The following SYT5 variants were observed in gnomAD, a reference collection of about 807,000 sequenced individuals.
The protein encoded by SYT5 is synaptotagmin-5.
In SYT5, 29 loss-of-function variants were observed where a neutral mutation model predicts 36.0. The ratio of observed to expected loss-of-function variants is 0.81; its 90% CI spans 0.60 to 1.10. The LOEUF (loss-of-function observed/expected upper bound fraction) is 1.10, where lower values mean the gene tolerates loss of function less well. SYT5 is among the 50% of genes least tolerant of loss of function. SYT5 has a pLI of 0.00. For missense variants in SYT5, 512 were observed against 516.0 expected, an observed-to-expected ratio of 0.99 and a Z score of 0.08; for synonymous variants, 231 against 227.6, an observed-to-expected ratio of 1.02 and a Z score of -0.14.
rs1270043107 is a variant in SYT5 at position 55,173,707 on chromosome 19, A to G, written c.961-23T>C. The G allele has an allele frequency of 7.4e-7, 1 of 1,352,812 alleles. No homozygotes were observed. The highest frequency in any genetic ancestry group is 1.8e-5 in the South Asian group (1 of 54,594). The allele number at this position is 1,352,812 out of a possible 1,614,324, so 83.8% of individuals were successfully genotyped here. ...CTTCTGGGGTGGGCGCGGGAGGAAG[A>G]GGAGAGAGGAGCGTGAGGGGAGGAG... On this transcript the variant is annotated intron_variant, in intron 8 of 8. Coordinates refer to ENST00000354308, the MANE Select transcript of SYT5 (RefSeq NM_003180.3). This position sits in a 1 kb window ranked among gnomAD's most constrained non-coding sequence, Gnocchi z 5.4.
At chr19:55,178,076 G>A (rs2086096628) in intron 3 of SYT5, 120 bp downstream of exon 3, 2 of 1,150,986 alleles carry the variant, frequency 1.7e-6, no homozygotes, top group Admixed American at 2.8e-5. Flanking sequence ...ACACAGGGAG[G>A]ATGAGCCAGT....
At position 55,174,989 on chromosome 19, in the gene SYT5, A is replaced by G. The variant is rs2086055978; in HGVS notation, c.719T>C (p.Leu240Pro). ...GCGGAGGGAGAAGCAGATGTCCCCA[A>G]GCTTCTCCTGCTGAAAGGAGAGGGG... ...QAAPREEQEK[L>P]GDICFSLRYV... The change falls in exon 7 of 9, where the codon CTT (leucine) becomes CCT (proline). Residue 240 changes from leucine (L) to proline (P), a missense_variant. By Grantham distance (98) the Leu-to-Pro change is moderately conservative. Transcript: ENST00000354308. 1 of 1,613,316 alleles carries G rather than the reference A, an allele frequency of 6.2e-7. No individual in the cohort carries two copies. Among genetic ancestry groups the G allele is most frequent in the African/African-American group, 1.3e-5 (1 of 74,910 alleles).
intron 2 of SYT5, 41 bp downstream of exon 2, chr19:55,178,922 C>T (rs751658816): frequency 4.9e-6 from 7 of 1,440,872 alleles, no homozygotes; most frequent in Non-Finnish European, 6.4e-6. Flanking sequence ...CCTGGCCAGG[C>T]TTTCTCTCTG....
Position 55,173,814 on chromosome 19 carries a change from G to GGCC in SYT5, c.961-131_961-130insGGC. The GGCC allele has an allele frequency of 1.0e-6, 1 of 969,048 alleles. No homozygotes were observed. Among genetic ancestry groups the GGCC allele is most frequent in the Non-Finnish European group, 1.4e-6 (1 of 723,034 alleles). 60.0% of individuals were successfully genotyped at this position (969,048 alleles called of 1,614,324 possible). On this transcript the variant is annotated intron_variant, in intron 8 of 8. Coordinates refer to ENST00000354308, the MANE Select transcript of SYT5 (RefSeq NM_003180.3). This position sits in a 1 kb window ranked among gnomAD's most constrained non-coding sequence, Gnocchi z 5.4. ...GAGGGCTCGGGGCCCCGGAGCTCGG[G>GGCC]ACGGGGGAGGGGGTGGGAGACGAGA... is the stretch of plus-strand genomic sequence containing the variant.
intron 3 of SYT5, among the ~76,000 whole-genome samples, chr19:55,177,698 G>A (rs2086091900): frequency 6.6e-6 from 1 of 152,134 alleles, no homozygotes; most frequent in Non-Finnish European, 1.5e-5. Flanking sequence ...GAGTAGCTGG[G>A]ATTATACCAC....
At chr19:55,176,364 G>A (rs1209605024) in intron 3 of SYT5, 1 of 550,438 alleles carries the variant, frequency 1.8e-6, no homozygotes, top group Non-Finnish European at 3.2e-6. Context: ...AACTAGACAT[G>A]TGCTTGTCAT....
rs1174645552 is a variant in SYT5, at chr19:55,179,213, G to A, written c.-45-127C>T. ...ACAGCCACCGCGAGTCATGCTGGGA[G>A]TTGTAGTATCAGCCTCCCCGCACTT... is the stretch of plus-strand genomic sequence containing the variant. On this transcript the variant is annotated intron_variant, in intron 1 of 8. Transcript: ENST00000354308. This position sits in a 1 kb window ranked among gnomAD's most constrained non-coding sequence, Gnocchi z 4.5. 6.6e-7 allele frequency: 1 copy of A among 1,521,314 alleles called. No homozygotes were observed. Among genetic ancestry groups the A allele is most frequent in the Non-Finnish European group, 8.8e-7 (1 of 1,139,116 alleles). 94.2% of individuals were successfully genotyped at this position (1,521,314 alleles called of 1,614,324 possible). A position where few individuals can be genotyped will look rare whatever the true frequency, so the allele number is the denominator to read the frequency against.
chr19:55,179,127 C>G lies in SYT5; in HGVS notation c.-45-41G>C. The G allele has an allele frequency of 6.5e-7, 1 of 1,543,078 alleles. No homozygotes were observed. The highest frequency in any genetic ancestry group is 8.7e-7 in the Non-Finnish European group (1 of 1,147,520). On this transcript the variant is annotated intron_variant, in intron 1 of 8. Transcript: ENST00000354308. The surrounding 1 kb of genome is among the most constrained non-coding windows in gnomAD (Gnocchi z 4.5). ...CACCCCAGACGTCCTTTGAGCCCCA[C>G]GCACAACAAAGAACTCCAACTCCCA...
chr19:55,175,408 G>A lies in SYT5; in HGVS notation c.541-69C>T. On this transcript the variant is annotated intron_variant, in intron 5 of 8. Transcript: ENST00000354308. This position sits in a 1 kb window ranked among gnomAD's most constrained non-coding sequence, Gnocchi z 4.5. Reference sequence around the variant, plus strand: ...GATAGGGTGAGGCACAGCACAACCAGAAGGAAGGCATGGAGTGAGGCAGCG... The same window carrying A: ...GATAGGGTGAGGCACAGCACAACCAAAAGGAAGGCATGGAGTGAGGCAGCG... The A allele has an allele frequency of 6.9e-7, 1 of 1,450,914 alleles. No homozygotes were observed. Among genetic ancestry groups the A allele is most frequent in the Non-Finnish European group, 9.1e-7 (1 of 1,097,260 alleles). 89.9% of individuals were successfully genotyped at this position (1,450,914 alleles called of 1,614,324 possible). A position where few individuals can be genotyped will look rare whatever the true frequency, so the allele number is the denominator to read the frequency against.
At position 55,179,249 on chromosome 19, in the gene SYT5, G is replaced by T; in HGVS notation, c.-45-163C>A. 1 of 1,477,708 alleles carries T rather than the reference G, an allele frequency of 6.8e-7. No individual in the cohort carries two copies. The highest frequency in any genetic ancestry group is 1.3e-5 in the South Asian group (1 of 74,340). The allele number at this position is 1,477,708 out of a possible 1,614,324, so 91.5% of individuals were successfully genotyped here. On this transcript the variant is annotated intron_variant, in intron 1 of 8. Coordinates refer to ENST00000354308, the MANE Select transcript of SYT5 (RefSeq NM_003180.3). The surrounding 1 kb of genome is among the most constrained non-coding windows in gnomAD (Gnocchi z 4.5). The stretch of plus-strand genomic sequence containing the variant: ...AGCCTCCCCGCACTTGAGAGGGGGT[G>T]TCCAGGACCTAGTTCCATCCTAAAG...
In SYT5 at chr19:55,174,649, A is replaced by C. The variant is rs1599942082; in HGVS notation, c.828T>G (p.Asp276Glu). ...GCAGCAGGTGGACCTTGACGTATGG[A>C]TCTGGGGAGAGGAAGGAGGAGTCTT... ...LKKMDVGGLS[D>E]PYVKVHLLQG... Residue 276 changes from aspartate to glutamate, a missense_variant and splice_region_variant, in exon 8 of 9, where the codon GAT (aspartate) becomes GAG (glutamate). Transcript: ENST00000354308. 2 of 1,613,994 alleles carry C rather than the reference A, an allele frequency of 1.2e-6. No homozygotes were observed. The highest frequency in any genetic ancestry group is 8.5e-7 in the Non-Finnish European group (1 of 1,179,984).
rs1313995748 is a variant in SYT5 at position 55,175,756 on chromosome 19, G to A, written c.493C>T (p.His165Tyr). The change falls in exon 5 of 9, where the codon CAT (histidine) becomes TAT (tyrosine). Residue 165 changes from histidine (H) to tyrosine (Y), a missense_variant. Coordinates refer to ENST00000354308, the MANE Select transcript of SYT5 (RefSeq NM_003180.3). This position sits in a 1 kb window ranked among gnomAD's most constrained non-coding sequence, Gnocchi z 4.5. ...DKRRRYETKV[H>Y]RQTLNPHFGE... is the part of the protein sequence containing the mutation. Reference sequence around the variant, plus strand: ...AAGTGAGGGTTCAGCGTCTGCCGATGCACCTTGGTCTCGTACCGCCTCCGT... The same window carrying A: ...AAGTGAGGGTTCAGCGTCTGCCGATACACCTTGGTCTCGTACCGCCTCCGT... The A allele has an allele frequency of 5.6e-6, 9 of 1,614,040 alleles. No individual in the cohort carries two copies. Among genetic ancestry groups the A allele is most frequent in the Non-Finnish European group, 7.6e-6 (9 of 1,180,040 alleles).
At chr19:55,178,082 C>G in intron 3 of SYT5, 114 bp downstream of exon 3, 1 of 1,212,086 alleles carries the variant, frequency 8.3e-7, no homozygotes, top group Non-Finnish European at 1.1e-6. Context: ...GGAGGATGAG[C>G]CAGTAAGGTG....
At chr19:55,178,078 T>G in intron 3 of SYT5, 118 bp downstream of exon 3, 1 of 1,171,426 alleles carries the variant, frequency 8.5e-7, no homozygotes, top group Non-Finnish European at 1.2e-6. Flanking sequence ...ACAGGGAGGA[T>G]GAGCCAGTAA....
rs1261824339 is a variant in SYT5, at chr19:55,175,229, C to G, written c.651G>C (p.Val217=). 6.2e-7 allele frequency: 1 copy of G among 1,611,224 alleles called. No individual in the cohort carries two copies. The highest frequency in any genetic ancestry group is 2.2e-5 in the East Asian group (1 of 44,810). The change falls in exon 6 of 9, where the codon GTG becomes GTC. Residue 217 remains valine, a synonymous_variant. Coordinates refer to ENST00000354308, the MANE Select transcript of SYT5 (RefSeq NM_003180.3). This position sits in a 1 kb window ranked among gnomAD's most constrained non-coding sequence, Gnocchi z 4.5. ...IGEVRVPMSS[V]DLGRPVQAWR... ...AGGCCTGCACTGGCCGCCCCAGGTC[C>G]ACGGAGCTCATAGGGACCCGCACCT... is the stretch of plus-strand genomic sequence containing the variant.
In SYT5 at chr19:55,173,470, G is replaced by A. The variant is rs541801365; in HGVS notation, c.*14C>T. ...GGCTAGAGTCCAGGCTTGGCCGGGGGCTTGGGGTGGGAGTCAGGGCGCAGG... is the reference window on the plus strand; with the variant it reads ...GGCTAGAGTCCAGGCTTGGCCGGGGACTTGGGGTGGGAGTCAGGGCGCAGG... On this transcript the variant is annotated 3_prime_UTR_variant, in exon 9 of 9. Transcript: ENST00000354308. This position sits in a 1 kb window ranked among gnomAD's most constrained non-coding sequence, Gnocchi z 5.4. 9.5e-5 allele frequency: 129 copies of A among 1,352,500 alleles called. No individual in the cohort carries two copies. The African/African-American group carries it at 1.7e-3, about 18-fold the overall frequency. The allele number at this position is 1,352,500 out of a possible 1,614,324, so 83.8% of individuals were successfully genotyped here.
Position 55,176,068 on chromosome 19 carries a change from C to T in SYT5, c.309G>A (p.Val103=). The change falls in exon 4 of 9, where the codon GTG becomes GTA. Residue 103 remains valine (V), a synonymous_variant. Transcript: ENST00000354308. The part of the protein sequence containing the change: ...EPAPSGPGQQ[V]ADKHELGRLQ... ...GTCGTCCTAGCTCATGCTTGTCTGCCACCTGCTGCCCTGGCCCGGATGGTG... is the reference window on the plus strand; with the variant it reads ...GTCGTCCTAGCTCATGCTTGTCTGCTACCTGCTGCCCTGGCCCGGATGGTG... 1.2e-6 allele frequency: 2 copies of T among 1,614,210 alleles called. No individual in the cohort carries two copies. Among genetic ancestry groups the T allele is most frequent in the Non-Finnish European group, 1.7e-6 (2 of 1,180,044 alleles).
Position 55,178,583 on chromosome 19 carries a change from G to A in SYT5, c.80-215C>T, listed in dbSNP as rs189022978. Among the ~76,000 whole-genome samples the A allele has an allele frequency of 3.4e-3, 515 of 152,078 alleles. 5 individuals carry two copies. The highest frequency in any genetic ancestry group is 0.012 in the African/African-American group (489 of 41,468). On this transcript the variant is annotated intron_variant, in intron 2 of 8. Transcript: ENST00000354308. ...ACCATCTGGATTTGCTTGCTTGTTA[G>A]TTCTGCCTTTCCTTACCCGACCCCG...
At position 55,172,663 on chromosome 19, in the gene SYT5, T is replaced by G. The variant is rs890477154; in HGVS notation, c.*821A>C. The G allele has an allele frequency of 6.6e-6, 1 of 151,438 alleles. No homozygotes were observed. Among genetic ancestry groups the G allele is most frequent in the Admixed American group, 6.6e-5 (1 of 15,176 alleles). The allele number at this position is 151,438 out of a possible 1,614,324, so 9.4% of individuals were successfully genotyped here. On this transcript the variant is annotated 3_prime_UTR_variant, in exon 9 of 9. Transcript: ENST00000354308. ...GCAGTAAGTCGCTTGGGGGGTCAGG[T>G]CTGTGTTTGGATATTCTGGGGCCCC... is the stretch of plus-strand genomic sequence containing the variant.
Sources: gnomAD v4.1 joint callset for allele counts (sites outside exome capture counted in the v4.1 genomes callset) on GRCh38, gnomAD v4.1.1 for gene constraint, Gnocchi (gnomAD v3.1) non-coding constraint, MANE v1.5 for transcripts, NCBI Gene and HGNC (gene_info 2026-07-23, HGNC 2026-07-21) for gene names.